TMC2: variants seen among roughly 807,000 people sequenced by gnomAD.
The protein encoded by TMC2 is transmembrane channel-like protein 2.
TMC2 carries 102 observed loss-of-function variants against 105.9 expected under a neutral mutation model. The ratio of observed to expected loss-of-function variants is 0.96; its 90% CI spans 0.82 to 1.14. TMC2 has a LOEUF of 1.14. Among genes scored for constraint, TMC2 ranks in the 50% most tolerant of loss-of-function variants. The probability of loss-of-function intolerance (pLI) is 0.00; values close to 1 mark genes in which losing one functional copy is unlikely to be tolerated. For synonymous variants in TMC2, 402 were observed against 422.8 expected (o/e 0.95, Z 0.60); for missense variants, 1,093 against 1,134.3 (o/e 0.96, Z 0.52).
At chr20:2,591,424 G>T (rs926717997) in intron 7 of TMC2, among the ~76,000 whole-genome samples, 2 of 152,136 alleles carry the variant, frequency 1.3e-5, no homozygotes, top group Admixed American at 6.5e-5. Flanking sequence ...TGCTCTTCTG[G>T]CTGGGCACGG....
rs929418179 is a variant in TMC2 at position 2,608,357 on chromosome 20, T to G, written c.1414-2062T>G. Among the ~76,000 whole-genome samples, 4 of 148,224 alleles carry G rather than the reference T, an allele frequency of 2.7e-5. No homozygotes were observed. The East Asian group carries it at 8.0e-4, about 30-fold the overall frequency. On this transcript the variant is annotated intron_variant, in intron 11 of 19. Coordinates refer to ENST00000358864, the MANE Select transcript of TMC2 (RefSeq NM_080751.3). ...TATTATTATTATTTGAGATGAAGTC[T>G]TGCTCTGTCATCCAGGCTGGAGTGC...
chr20:2,549,509 A>G (rs1396154787), intron 2 of TMC2, among the ~76,000 whole-genome samples: 2 of 152,082 alleles, frequency 1.3e-5, no homozygotes, highest in Non-Finnish European at 2.9e-5. Context: ...TTGGGAGGCC[A>G]AGGCGGGCGG....
chr20:2,624,472 T>C, intron 17 of TMC2, 76 bp downstream of exon 17: 1 of 1,526,770 alleles, frequency 6.5e-7, no homozygotes, highest in Non-Finnish European at 8.8e-7. Flanking sequence ...GCAGGTCCTT[T>C]TCATCTTGCC....
chr20:2,597,170 G>C lies in TMC2; in HGVS notation c.1096G>C (p.Gly366Arg). Residue 366 changes from glycine (G) to arginine (R), a missense_variant, in exon 10 of 20, where the codon GGA becomes CGA. Coordinates refer to ENST00000358864, the MANE Select transcript of TMC2 (RefSeq NM_080751.3). Reference protein sequence around the residue: ...VIRSMASNTQGSTGEGESDNF... With the variant: ...VIRSMASNTQRSTGEGESDNF... The stretch of plus-strand genomic sequence containing the variant: ...CTACAGGATGGCCAGCAATACCCAA[G>C]GAAGCACAGGCGAAGGGGAGAGTGA... The C allele has an allele frequency of 6.2e-7, 1 of 1,613,474 alleles. No homozygotes were observed. The highest frequency in any genetic ancestry group is 8.5e-7 in the Non-Finnish European group (1 of 1,179,966).
chr20:2,602,027 G>C (rs2086355013), intron 10 of TMC2, 86 bp from the exon 11 acceptor site: 1 of 856,856 alleles, frequency 1.2e-6, no homozygotes, highest in Non-Finnish European at 1.8e-6. Flanking sequence ...TGGAAATATA[G>C]AAAGTACTAT....
At chr20:2,566,625 T>C (rs1333423364) in intron 4 of TMC2, among the ~76,000 whole-genome samples, 1 of 152,252 alleles carries the variant, frequency 6.6e-6, no homozygotes, top group East Asian at 1.9e-4. Flanking sequence ...AGAGACGCTT[T>C]TCCCTATTCT....
At chr20:2,629,535 A>T (rs2086588432) in intron 17 of TMC2, among the ~76,000 whole-genome samples, 1 of 150,882 alleles carries the variant, frequency 6.6e-6, no homozygotes, top group South Asian at 2.1e-4. Context: ...GAAGTAAAAA[A>T]AAAAAAAAAA....
In TMC2 at chr20:2,610,618, C is replaced by G. The variant is rs981612824; in HGVS notation, c.1593+20C>G. ...CTCAAGGTAAAAACCACAACACCCC[C>G]CACCCCACTGCAATTCCTGGTGCCC... On this transcript the variant is annotated intron_variant, in intron 12 of 19. Coordinates refer to ENST00000358864, the MANE Select transcript of TMC2 (RefSeq NM_080751.3). 6.1e-6 allele frequency: 9 copies of G among 1,477,936 alleles called. No homozygotes were observed. The African/African-American group carries it at 1.1e-4, about 19-fold the overall frequency. The allele number at this position is 1,477,936 out of a possible 1,614,324, so 91.6% of individuals were successfully genotyped here.
chr20:2,616,867 C>T lies in TMC2; in HGVS notation c.1941-205C>T, dbSNP rs942741609. ...GGCCAGAGCTTAAGCCAGGAATGCTCGGAGTGCCTCCCTCTCCTGAGGACT... is the reference window on the plus strand; with the variant it reads ...GGCCAGAGCTTAAGCCAGGAATGCTTGGAGTGCCTCCCTCTCCTGAGGACT... On this transcript the variant is annotated intron_variant, in intron 15 of 19. Coordinates refer to ENST00000358864, the MANE Select transcript of TMC2 (RefSeq NM_080751.3). This position sits in a 1 kb window ranked among gnomAD's most constrained non-coding sequence, Gnocchi z 4.8. Among the ~76,000 whole-genome samples, 6 of 152,240 alleles carry T rather than the reference C, an allele frequency of 3.9e-5. No homozygotes were observed. Among genetic ancestry groups the T allele is most frequent in the Admixed American group, 3.3e-4 (5 of 15,288 alleles).
intron 10 of TMC2, among the ~76,000 whole-genome samples, chr20:2,598,526 T>C (rs1031578725): frequency 2.6e-5 from 4 of 152,076 alleles, no homozygotes; most frequent in Admixed American, 2.6e-4. Context: ...GTGATTCTCC[T>C]GCTTCAGCCT....
chr20:2,584,399 C>G (rs111899179), intron 7 of TMC2, among the ~76,000 whole-genome samples: 4,824 of 137,986 alleles, frequency 0.035, 314 homozygotes, highest in African/African-American at 0.15. Flanking sequence ...AGCCGAGATC[C>G]CGCCACTGCA....
chr20:2,639,045 A>G (rs1338320710), intron 19 of TMC2, among the ~76,000 whole-genome samples: 1 of 152,012 alleles, frequency 6.6e-6, no homozygotes, highest in African/African-American at 2.4e-5. Flanking sequence ...ACAGGTGCCC[A>G]CCACCATGCC....
chr20:2,561,264 G>A (rs2086024008), intron 3 of TMC2, among the ~76,000 whole-genome samples: 1 of 152,064 alleles, frequency 6.6e-6, no homozygotes, highest in South Asian at 2.1e-4. Context: ...TCAGTTCTTG[G>A]GAATCTTTTA....
Position 2,612,393 on chromosome 20 carries a change from T to C in TMC2, c.1743+53T>C. On this transcript the variant is annotated intron_variant, in intron 13 of 19. Transcript: ENST00000358864. ...GACCCCTGTTCTCAGTTCTTTGTTA[T>C]TCCCTCCTTGATGTTTCCATTTGAG... The C allele has an allele frequency of 2.1e-6, 3 of 1,426,140 alleles. No individual in the cohort carries two copies. The South Asian group carries it at 5.3e-5, about 25-fold the overall frequency. The allele number at this position is 1,426,140 out of a possible 1,614,324, so 88.3% of individuals were successfully genotyped here. A position where few individuals can be genotyped will look rare whatever the true frequency, so the allele number is the denominator to read the frequency against.
At chr20:2,612,859 G>A (rs897417085) in intron 13 of TMC2, among the ~76,000 whole-genome samples, 2 of 152,130 alleles carry the variant, frequency 1.3e-5, no homozygotes, top group African/African-American at 4.8e-5. Flanking sequence ...TGATGACTAC[G>A]ATGCATTGGG....
chr20:2,596,793 G>A lies in TMC2; in HGVS notation c.1077-358G>A, dbSNP rs191682846. On this transcript the variant is annotated intron_variant, in intron 9 of 19. Transcript: ENST00000358864. The stretch of plus-strand genomic sequence containing the variant: ...GAAAATAGATGACTTAGAAGGGGAC[G>A]TTCCTGTTTGAGAATAGACTCCCGT... 1.7e-3 allele frequency among the ~76,000 whole-genome samples: 260 copies of A among 151,658 alleles called. 3 individuals carry two copies. Among genetic ancestry groups the A allele is most frequent in the African/African-American group, 1.8e-3 (76 of 41,386 alleles).
At chr20:2,556,868 C>CTT (rs35012600) in intron 2 of TMC2, among the ~76,000 whole-genome samples, 2,652 of 147,444 alleles carry the variant, frequency 0.018, 39 homozygotes, top group Middle Eastern at 0.032. Flanking sequence ...GAATTCTGTC[C>CTT]TTTTTTTTTT....
chr20:2,563,106 T>C (rs2086039293), intron 4 of TMC2, among the ~76,000 whole-genome samples: 1 of 152,172 alleles, frequency 6.6e-6, no homozygotes, highest in South Asian at 2.1e-4. Context: ...GTTTCCTCTG[T>C]AGGAAGCCCA....
At chr20:2,596,724 T>TGA (rs2086310432) in intron 9 of TMC2, among the ~76,000 whole-genome samples, 1 of 149,998 alleles carries the variant, frequency 6.7e-6, no homozygotes, top group African/African-American at 2.5e-5. Flanking sequence ...TATATGTGTG[T>TGA]GTGTGTGTGT....
Sources: allele counts gnomAD v4.1 joint callset (sites outside exome capture counted in the v4.1 genomes callset), GRCh38; gene constraint gnomAD v4.1.1; non-coding constraint Gnocchi (gnomAD v3.1); transcripts MANE v1.5; gene names NCBI Gene and HGNC (gene_info 2026-07-23, HGNC 2026-07-21).